The following ZSWIM6 variants were observed in gnomAD, a reference collection of about 807,000 sequenced individuals.
ZSWIM6 encodes the protein zinc finger SWIM domain-containing protein 6.
Under a neutral mutation model 113.2 loss-of-function variants are expected in ZSWIM6, and 9 were observed. The observed-to-expected ratio is 0.08, with a 90% confidence interval of 0.05 to 0.14. ZSWIM6 has a LOEUF of 0.14. Ranked by LOEUF, ZSWIM6 falls within the 10% of genes least tolerant of loss-of-function variation. The pLI, the probability that ZSWIM6 is intolerant of heterozygous loss-of-function variation, is 1.00. For missense variants in ZSWIM6, 1,162 were observed against 1,552.2 expected (o/e 0.75, Z 4.22); for synonymous variants, 611 against 606.5 (o/e 1.01, Z -0.11).
At chr5:61,473,975 A>T (rs1035464440) in intron 2 of ZSWIM6, among the ~76,000 whole-genome samples, 7 of 152,204 alleles carry the variant, frequency 4.6e-5, no homozygotes, top group African/African-American at 1.7e-4. Flanking sequence ...AAATTATGAG[A>T]TGTAAAAATG....
intron 1 of ZSWIM6, among the ~76,000 whole-genome samples, chr5:61,418,584 A>C (rs1746299242): frequency 6.6e-6 from 1 of 151,894 alleles, no homozygotes; most frequent in Admixed American, 6.6e-5. Flanking sequence ...ATTTAAATGA[A>C]ACCTTCTAGT....
intron 1 of ZSWIM6, among the ~76,000 whole-genome samples, chr5:61,346,342 G>A (rs1744657884): frequency 6.6e-6 from 1 of 152,138 alleles, no homozygotes; most frequent in African/African-American, 2.4e-5. Context: ...TGAATATCTT[G>A]GGGATAGAAT....
At chr5:61,500,196 G>A (rs1369829685) in intron 4 of ZSWIM6, among the ~76,000 whole-genome samples, 1 of 151,216 alleles carries the variant, frequency 6.6e-6, no homozygotes, top group Non-Finnish European at 1.5e-5. Flanking sequence ...GTGCGATCAC[G>A]GCTCACCACA....
At chr5:61,493,324 T>TAA (rs1748230265) in intron 3 of ZSWIM6, among the ~76,000 whole-genome samples, 2 of 152,144 alleles carry the variant, frequency 1.3e-5, no homozygotes, top group Non-Finnish European at 2.9e-5. Context: ...AGAGAGAACC[T>TAA]TTATGCAATT....
intron 1 of ZSWIM6, among the ~76,000 whole-genome samples, chr5:61,416,602 T>G (rs1579985374): frequency 6.6e-6 from 1 of 152,220 alleles, no homozygotes; most frequent in African/African-American, 2.4e-5. Flanking sequence ...AATCAAAGGT[T>G]TGATCCCTGT....
At chr5:61,509,484 T>C (rs1402719919) in intron 4 of ZSWIM6, among the ~76,000 whole-genome samples, 1 of 152,000 alleles carries the variant, frequency 6.6e-6, no homozygotes, top group Non-Finnish European at 1.5e-5. Context: ...CCCTGTTGGG[T>C]TGGGGATGTG....
At chr5:61,390,852 T>A in intron 1 of ZSWIM6, 1 of 846,792 alleles carries the variant, frequency 1.2e-6, no homozygotes, top group Non-Finnish European at 2.0e-6. Flanking sequence ...GGTGAGCACT[T>A]GCTTCTTGGT....
rs1188160859 is a variant in ZSWIM6 at position 61,531,698 on chromosome 5, C to T, written c.2218C>T (p.Arg740Cys). The T allele has an allele frequency of 1.2e-5, 19 of 1,551,518 alleles. No individual in the cohort carries two copies. The highest frequency in any genetic ancestry group is 1.7e-4 in the Middle Eastern group (1 of 6,002). Residue 740 changes from arginine (R) to cysteine (C), a missense_variant, in exon 9 of 14, where the codon CGC becomes TGC. Physicochemically the swap from Arg to Cys is radical, Grantham distance 180. This residue lies in a region of ZSWIM6 where 620 missense variants were observed against 804.6 expected (regional missense o/e 0.77). Coordinates refer to ENST00000252744, the MANE Select transcript of ZSWIM6 (RefSeq NM_020928.2). ...ELDDTLVKIF[R>C]KQAVFLLEAG... is the part of the protein sequence containing the mutation. ...GGATGACACACTGGTGAAAATTTTT[C>T]GCAAGCAAGCAGTCTTCCTATTAGA...
At chr5:61,352,120 A>C (rs1336333191) in intron 1 of ZSWIM6, among the ~76,000 whole-genome samples, 1 of 152,180 alleles carries the variant, frequency 6.6e-6, no homozygotes, top group African/African-American at 2.4e-5. Context: ...AGATGTGTCT[A>C]GGCTGCCCTG....
At chr5:61,340,891 A>G (rs963411383) in intron 1 of ZSWIM6, among the ~76,000 whole-genome samples, 12 of 152,252 alleles carry the variant, frequency 7.9e-5, no homozygotes, top group Non-Finnish European at 5.9e-5. Context: ...TGCTCAGTTC[A>G]TGCTAGTGTA....
intron 2 of ZSWIM6, among the ~76,000 whole-genome samples, chr5:61,482,091 C>T (rs1039063950): frequency 6.6e-6 from 1 of 152,122 alleles, no homozygotes; most frequent in Admixed American, 6.5e-5. Context: ...GCATTCCCTT[C>T]TCAAAGCTAA....
At chr5:61,344,515 C>T (rs149257875) in intron 1 of ZSWIM6, among the ~76,000 whole-genome samples, 3 of 152,204 alleles carry the variant, frequency 2.0e-5, no homozygotes, top group Non-Finnish European at 4.4e-5. Flanking sequence ...TTCTTTTCCT[C>T]TGTCCTTTCC....
At chr5:61,362,309 G>A (rs572938364) in intron 1 of ZSWIM6, among the ~76,000 whole-genome samples, 5 of 151,384 alleles carry the variant, frequency 3.3e-5, no homozygotes, top group South Asian at 2.1e-4. Flanking sequence ...AGCAATTCTC[G>A]TGCCTCAGCC....
intron 1 of ZSWIM6, among the ~76,000 whole-genome samples, chr5:61,335,040 A>G (rs1197380450): frequency 6.6e-6 from 1 of 152,262 alleles, no homozygotes; most frequent in Non-Finnish European, 1.5e-5. Flanking sequence ...GGGGCGATAA[A>G]TAAAAGAGGC....
At chr5:61,384,438 T>G (rs1275285668) in intron 1 of ZSWIM6, among the ~76,000 whole-genome samples, 1 of 152,054 alleles carries the variant, frequency 6.6e-6, no homozygotes, top group Non-Finnish European at 1.5e-5. Context: ...TACATAGCCC[T>G]TTGAGTCTGG....
chr5:61,535,496 G>C lies in ZSWIM6; in HGVS notation c.2258G>C (p.Ser753Thr). The C allele has an allele frequency of 6.4e-7, 1 of 1,551,306 alleles. No individual in the cohort carries two copies. Among genetic ancestry groups the C allele is most frequent in the Non-Finnish European group, 8.7e-7 (1 of 1,146,692 alleles). The change falls in exon 10 of 14, where the codon AGT (serine) becomes ACT (threonine). Residue 753 changes from serine (S) to threonine (T), a missense_variant. By Grantham distance (58) the Ser-to-Thr change is moderately conservative (BLOSUM62 1). Around this residue, in one of 4 missense-constraint regions of ZSWIM6, gnomAD observed 620 missense variants for 804.6 expected, o/e 0.77. Transcript: ENST00000252744. ...AVFLLEAGPY[S>T]GLGEIIHRES... The stretch of plus-strand genomic sequence containing the variant: ...TCTCTTCCCACAGCCGGACCATATA[G>C]TGGTTTAGGTGAAATAATCCATCGG...
Position 61,539,657 on chromosome 5 carries a change from A to G in ZSWIM6, c.2601A>G (p.Ser867=), listed in dbSNP as rs1410141086. ...ESIQKNIHSS[S]HIFKLAQDAF... ...TCCAGAAAAACATTCACTCCTCATC[A>G]CACATCTTCAAGCTTGCCCAAGATG... The change falls in exon 12 of 14, where the codon TCA becomes TCG. Residue 867 remains serine, a synonymous_variant. Coordinates refer to ENST00000252744, the MANE Select transcript of ZSWIM6 (RefSeq NM_020928.2). 1 of 1,552,034 alleles carries G rather than the reference A, an allele frequency of 6.4e-7. No homozygotes were observed. Among genetic ancestry groups the G allele is most frequent in the Non-Finnish European group, 8.7e-7 (1 of 1,147,056 alleles).
At chr5:61,542,541 C>T (rs1362043054) in intron 13 of ZSWIM6, among the ~76,000 whole-genome samples, 10 of 152,134 alleles carry the variant, frequency 6.6e-5, no homozygotes, top group Admixed American at 2.6e-4. Flanking sequence ...AGTGGTTAAA[C>T]GTTCTTTTTT....
intron 1 of ZSWIM6, among the ~76,000 whole-genome samples, chr5:61,398,934 T>C (rs1313982619): frequency 8.8e-6 from 1 of 114,062 alleles, no homozygotes; most frequent in Non-Finnish European, 1.9e-5. Context: ...TTTTTTTTTT[T>C]TTTTTTGAGA....
Sources: gnomAD v4.1 joint callset for allele counts (sites outside exome capture counted in the v4.1 genomes callset) on GRCh38, gnomAD v4.1.1 for gene constraint, gnomAD v4.1.1 regional missense constraint, MANE v1.5 for transcripts, NCBI Gene and HGNC (gene_info 2026-07-23, HGNC 2026-07-21) for gene names.